KIAA1958: variants seen among roughly 807,000 people sequenced by gnomAD.
KIAA1958 encodes uncharacterized protein KIAA1958.
KIAA1958 carries 14 observed loss-of-function variants against 47.2 expected under a neutral mutation model. The ratio of observed to expected loss-of-function variants is 0.30; its 90% CI spans 0.20 to 0.46. KIAA1958 has a LOEUF of 0.46. KIAA1958 is among the 20% of genes least tolerant of loss of function. The pLI, the probability that KIAA1958 is intolerant of heterozygous loss-of-function variation, is 1.00. For missense variants in KIAA1958, 803 were observed against 909.2 expected, an observed-to-expected ratio of 0.88 and a Z score of 1.50; for synonymous variants, 354 against 353.3, an observed-to-expected ratio of 1.00 and a Z score of -0.02.
chr9:112,541,165 G>A (rs1185573736), intron 1 of KIAA1958, among the ~76,000 whole-genome samples: 2 of 152,120 alleles, frequency 1.3e-5, no homozygotes, highest in African/African-American at 4.8e-5. Flanking sequence ...GCATAGGTTA[G>A]AATATCTGGA....
chr9:112,492,517 C>G (rs1439906057), intron 1 of KIAA1958, among the ~76,000 whole-genome samples: 3 of 152,160 alleles, frequency 2.0e-5, no homozygotes, highest in African/African-American at 4.8e-5. Flanking sequence ...ATCCCTCTAC[C>G]TACTGCCTTT....
chr9:112,500,965 G>A (rs1241039623), intron 1 of KIAA1958, among the ~76,000 whole-genome samples: 3 of 151,436 alleles, frequency 2.0e-5, no homozygotes, highest in East Asian at 1.9e-4. Context: ...AAAAAAATTA[G>A]CCCGGCATGG....
chr9:112,506,488 A>G lies in KIAA1958; in HGVS notation c.-25+19370A>G, dbSNP rs1834236907. Among the ~76,000 whole-genome samples, 3 of 152,202 alleles carry G rather than the reference A, an allele frequency of 2.0e-5. No individual in the cohort carries two copies. The South Asian group carries it at 6.2e-4, about 32-fold the overall frequency. ...AACAAAACAAAAAACAAATGTTAGA[A>G]TGTTTTTTCTTCATGGTAATTAAGG... On this transcript the variant is annotated intron_variant, in intron 1 of 3. Coordinates refer to ENST00000337530, the MANE Select transcript of KIAA1958 (RefSeq NM_133465.4).
chr9:112,631,103 T>C (rs887480542), intron 2 of KIAA1958, among the ~76,000 whole-genome samples: 2 of 152,196 alleles, frequency 1.3e-5, no homozygotes, highest in African/African-American at 4.8e-5. Context: ...TTGAAGAGGA[T>C]TTGATGTGAC....
chr9:112,487,887 A>C (rs964948881), intron 1 of KIAA1958, among the ~76,000 whole-genome samples: 1 of 148,282 alleles, frequency 6.7e-6, no homozygotes, highest in Non-Finnish European at 1.5e-5. Context: ...TTAGATTGGG[A>C]CTTTAAAAAA....
In KIAA1958 at chr9:112,575,072, C is replaced by G. The variant is rs769541125; in HGVS notation, c.992C>G (p.Pro331Arg). The change falls in exon 2 of 4, where the codon CCT (proline) becomes CGT (arginine). Residue 331 changes from proline to arginine, a missense_variant. Physicochemically the swap from Pro to Arg is moderately radical, Grantham distance 103. Around this residue, in one of 2 missense-constraint regions of KIAA1958, gnomAD observed 761 missense variants for 829.3 expected, o/e 0.92. Transcript: ENST00000337530. ...ISIPLSALQL[P>R]GQDEQVASEE... ...ATCCCCTTGTCTGCCCTGCAGCTGC[C>G]TGGACAGGATGAGCAAGTTGCCTCT... The G allele has an allele frequency of 3.7e-6, 6 of 1,613,314 alleles. No homozygotes were observed. Among genetic ancestry groups the G allele is most frequent in the Non-Finnish European group, 5.1e-6 (6 of 1,180,034 alleles).
intron 2 of KIAA1958, among the ~76,000 whole-genome samples, chr9:112,607,865 A>G (rs900688140): frequency 6.6e-6 from 1 of 152,100 alleles, no homozygotes; most frequent in Non-Finnish European, 1.5e-5. Flanking sequence ...GAACAATGCC[A>G]CTAATGTTCG....
rs1479552525 is a variant in KIAA1958, at chr9:112,507,209, A to G, written c.-25+20091A>G. 2.0e-5 allele frequency among the ~76,000 whole-genome samples: 3 copies of G among 152,168 alleles called. No individual in the cohort carries two copies. In the East Asian group the frequency reaches 5.8e-4, roughly 29 times the overall value. ...TGCTGATGCACTAAGCTCTGGTCCA[A>G]GGGGTGGCATATGACTCTCAAATAG... On this transcript the variant is annotated intron_variant, in intron 1 of 3. Transcript: ENST00000337530.
intron 2 of KIAA1958, among the ~76,000 whole-genome samples, chr9:112,583,339 C>G (rs921411918): frequency 6.6e-6 from 1 of 152,080 alleles, no homozygotes; most frequent in African/African-American, 2.4e-5. Flanking sequence ...TTAAGTATTC[C>G]AAGTGTTATT....
chr9:112,650,985 T>C (rs530309592), intron 3 of KIAA1958, among the ~76,000 whole-genome samples: 1 of 152,220 alleles, frequency 6.6e-6, no homozygotes, highest in South Asian at 2.1e-4. Context: ...AAAGAAGACA[T>C]GAAGATCATG....
At chr9:112,631,209 T>C (rs192107507) in intron 2 of KIAA1958, among the ~76,000 whole-genome samples, 2 of 152,204 alleles carry the variant, frequency 1.3e-5, no homozygotes, top group Admixed American at 1.3e-4. Flanking sequence ...GGCAAACATG[T>C]TTAGACTGAA....
chr9:112,555,126 G>T (rs539559734), intron 1 of KIAA1958, among the ~76,000 whole-genome samples: 3 of 152,262 alleles, frequency 2.0e-5, no homozygotes, highest in African/African-American at 7.2e-5. Flanking sequence ...AAATTAGTGG[G>T]TGAGTTCTTC....
In KIAA1958 at chr9:112,667,466, C is replaced by CGAG. The variant is rs1322350195; in HGVS notation, c.*7397_*7398insGAG. 1 of 152,216 alleles carries CGAG rather than the reference C, an allele frequency of 6.6e-6. No homozygotes were observed. The highest frequency in any genetic ancestry group is 2.4e-5 in the African/African-American group (1 of 41,416). 9.4% of individuals were successfully genotyped at this position (152,216 alleles called of 1,614,324 possible). On this transcript the variant is annotated 3_prime_UTR_variant, in exon 4 of 4. Coordinates refer to ENST00000337530, the MANE Select transcript of KIAA1958 (RefSeq NM_133465.4). ...TAGCACATGCCTGTAATTCCAGCTA[C>CGAG]TCGGGAGGCTGAGGCGGGAGAATCG... is the stretch of plus-strand genomic sequence containing the variant.
chr9:112,507,515 A>T (rs1423680756), intron 1 of KIAA1958, among the ~76,000 whole-genome samples: 2 of 151,940 alleles, frequency 1.3e-5, no homozygotes, highest in Non-Finnish European at 2.9e-5. Context: ...TATCTGGTTA[A>T]TTTTTTATTT....
intron 2 of KIAA1958, among the ~76,000 whole-genome samples, chr9:112,596,983 CTA>C (rs1273098196): frequency 6.6e-6 from 1 of 150,502 alleles, no homozygotes; most frequent in African/African-American, 2.5e-5. Flanking sequence ...TTTGTAATAA[CTA>C]TTTCTGTTGT....
intron 3 of KIAA1958, among the ~76,000 whole-genome samples, chr9:112,651,431 A>AT (rs1665206702): frequency 6.8e-6 from 1 of 147,516 alleles, no homozygotes; most frequent in Admixed American, 6.8e-5. Flanking sequence ...GTCTCACTCT[A>AT]TCCCCCAGGC....
At chr9:112,538,575 CATT>C (rs1299219350) in intron 1 of KIAA1958, among the ~76,000 whole-genome samples, 1 of 152,106 alleles carries the variant, frequency 6.6e-6, no homozygotes. Flanking sequence ...TAAAGACAGA[CATT>C]ATATACTGAT....
chr9:112,664,365 T>C lies in KIAA1958; in HGVS notation c.*4296T>C, dbSNP rs544774062. ...AACCGAATGCTAAATATTATCCTTA[T>C]CAAACATCCATCACTTTGTTGCTTT... On this transcript the variant is annotated 3_prime_UTR_variant, in exon 4 of 4. Coordinates refer to ENST00000337530, the MANE Select transcript of KIAA1958 (RefSeq NM_133465.4). 2 of 152,268 alleles carry C rather than the reference T, an allele frequency of 1.3e-5. No homozygotes were observed. The highest frequency in any genetic ancestry group is 6.5e-5 in the Admixed American group (1 of 15,288). 9.4% of individuals were successfully genotyped at this position (152,268 alleles called of 1,614,324 possible). A position where few individuals can be genotyped will look rare whatever the true frequency, so the allele number is the denominator to read the frequency against.
chr9:112,534,709 A>AT (rs1203291398), intron 1 of KIAA1958, among the ~76,000 whole-genome samples: 1 of 151,690 alleles, frequency 6.6e-6, no homozygotes, highest in Non-Finnish European at 1.5e-5. Flanking sequence ...TGCCCAGGTA[A>AT]TTTTTTATAT....
Sources: gnomAD v4.1 joint callset for allele counts (sites outside exome capture counted in the v4.1 genomes callset) on GRCh38, gnomAD v4.1.1 for gene constraint, gnomAD v4.1.1 regional missense constraint, MANE v1.5 for transcripts, NCBI Gene and HGNC (gene_info 2026-07-23, HGNC 2026-07-21) for gene names.